SLC7A11: variants seen among roughly 807,000 people sequenced by gnomAD.
The protein encoded by SLC7A11 is solute carrier family 7 member 11.
In SLC7A11, 35 loss-of-function variants were observed where a neutral mutation model predicts 54.5. The ratio of observed to expected loss-of-function variants is 0.64; its 90% CI spans 0.49 to 0.85. The LOEUF is 0.85. SLC7A11 is among the 40% of genes least tolerant of loss of function. The pLI is 0.00. For synonymous variants in SLC7A11, 230 were observed against 225.2 expected, an observed-to-expected ratio of 1.02 and a Z score of -0.19; for missense variants, 583 against 618.1, an observed-to-expected ratio of 0.94 and a Z score of 0.60.
chr4:138,234,446 G>C (rs756295469), intron 2 of SLC7A11, among the ~76,000 whole-genome samples: 14 of 152,010 alleles, frequency 9.2e-5, no homozygotes, highest in Non-Finnish European at 2.1e-4. Context: ...TATTTAAAAG[G>C]CCAACTCAGC....
intron 6 of SLC7A11, among the ~76,000 whole-genome samples, chr4:138,199,081 C>G (rs985466917): frequency 2.0e-5 from 3 of 152,028 alleles, no homozygotes; most frequent in Non-Finnish European, 4.4e-5. Flanking sequence ...CCTTGGGAAT[C>G]AGACAATAAA....
At chr4:138,241,683 G>C in intron 1 of SLC7A11, 110 bp downstream of exon 1, 6 of 830,644 alleles carry the variant, frequency 7.2e-6, no homozygotes, top group Non-Finnish European at 7.8e-6. Flanking sequence ...TAAAAATTTG[G>C]TGTGGCCTTT....
chr4:138,176,143 C>T lies in SLC7A11; in HGVS notation c.1444+3074G>A, dbSNP rs559330549. ...TTGGCCAAAGGCTAAGAAAATACTT[C>T]CTATTGCAGCAATAAATATTATGAA... is the stretch of plus-strand genomic sequence containing the variant. On this transcript the variant is annotated intron_variant, in intron 11 of 11. Coordinates refer to ENST00000280612, the MANE Select transcript of SLC7A11 (RefSeq NM_014331.4). 5 of 152,170 alleles carry T rather than the reference C, an allele frequency of 3.3e-5. No individual in the cohort carries two copies. The South Asian group carries it at 1.0e-3, about 32-fold the overall frequency. 9.4% of individuals were successfully genotyped at this position (152,170 alleles called of 1,614,324 possible). A position where few individuals can be genotyped will look rare whatever the true frequency, so the allele number is the denominator to read the frequency against.
intron 6 of SLC7A11, among the ~76,000 whole-genome samples, chr4:138,196,455 G>A (rs1737133806): frequency 6.6e-6 from 1 of 152,012 alleles, no homozygotes; most frequent in Admixed American, 6.6e-5. Flanking sequence ...ATATACAACA[G>A]CCAGTTCACA....
intron 6 of SLC7A11, among the ~76,000 whole-genome samples, chr4:138,199,397 C>T (rs966255967): frequency 2.0e-5 from 3 of 152,096 alleles, no homozygotes; most frequent in African/African-American, 7.2e-5. Flanking sequence ...TTTACTTTGA[C>T]TTCCAATAAG....
At chr4:138,182,756 C>T (rs1736778989) in intron 8 of SLC7A11, among the ~76,000 whole-genome samples, 2 of 152,100 alleles carry the variant, frequency 1.3e-5, no homozygotes, top group Non-Finnish European at 2.9e-5. Context: ...CACAGGTACA[C>T]ACACCTATAT....
chr4:138,225,138 CTATATA>C (rs36216785), intron 3 of SLC7A11, among the ~76,000 whole-genome samples: 26,302 of 118,164 alleles, frequency 0.22, 2,844 homozygotes, highest in South Asian at 0.34. Context: ...AATAATTTCA[CTATATA>C]TATATATATA....
Position 138,224,815 on chromosome 4 carries a change from AAAGGAAGGAAGGAAGG to A in SLC7A11, c.521-1507_521-1492del, listed in dbSNP as rs138629758. Among the ~76,000 whole-genome samples, 63 of 135,948 alleles carry A rather than the reference AAAGGAAGGAAGGAAGG, an allele frequency of 4.6e-4. 1 individual carries two copies. The highest frequency in any genetic ancestry group is 1.2e-3 in the African/African-American group (45 of 36,714). The allele number at this position is 135,948 out of a possible 152,430, so 89.2% of individuals were successfully genotyped here. ...GAAGGAAAAGAAGGAAGGAAGGATG[AAAGGAAGGAAGGAAGG>A]AAGGAAGGAAGGAAGGAAGGAAGGA... On this transcript the variant is annotated intron_variant, in intron 3 of 11. Coordinates refer to ENST00000280612, the MANE Select transcript of SLC7A11 (RefSeq NM_014331.4).
At chr4:138,231,287 G>A (rs969704883) in intron 3 of SLC7A11, among the ~76,000 whole-genome samples, 1 of 151,948 alleles carries the variant, frequency 6.6e-6, no homozygotes, top group African/African-American at 2.4e-5. Flanking sequence ...CCACCACTAC[G>A]CAATATATCC....
intron 6 of SLC7A11, among the ~76,000 whole-genome samples, chr4:138,199,243 T>C (rs999925787): frequency 3.9e-5 from 6 of 152,190 alleles, no homozygotes; most frequent in African/African-American, 1.4e-4. Flanking sequence ...TGAGTACTTT[T>C]ATTTGATGTG....
At chr4:138,177,624 G>A (rs1025138800) in intron 11 of SLC7A11, 3 of 152,086 alleles carry the variant, frequency 2.0e-5, no homozygotes, top group South Asian at 2.1e-4. Context: ...CTGAGCTCTG[G>A]TGTTCTCATC....
At chr4:138,207,180 T>TA (rs1244803893) in intron 6 of SLC7A11, among the ~76,000 whole-genome samples, 1 of 151,978 alleles carries the variant, frequency 6.6e-6, no homozygotes, top group Non-Finnish European at 1.5e-5. Flanking sequence ...ATACATATCT[T>TA]AAAAACATAT....
intron 4 of SLC7A11, among the ~76,000 whole-genome samples, chr4:138,222,686 G>A (rs1488237305): frequency 6.6e-6 from 1 of 152,076 alleles, no homozygotes; most frequent in African/African-American, 2.4e-5. Context: ...CTATTTTATT[G>A]TGATATAATT....
Position 138,179,327 on chromosome 4 carries a change from G to C in SLC7A11, c.1334C>G (p.Ser445Trp), listed in dbSNP as rs770398892. ...GCCAATCCCTGTACTAAATGGGTCC[G>C]AATAGAGGGAAAGGGCAACCATGAA... ...CLFMVALSLYSDPFSTGIGFV... is the reference protein window; with the variant it reads ...CLFMVALSLYWDPFSTGIGFV... The change falls in exon 11 of 12, where the codon TCG becomes TGG. Residue 445 changes from serine to tryptophan, a missense_variant. Ser to Trp is a radical substitution (Grantham distance 177). Coordinates refer to ENST00000280612, the MANE Select transcript of SLC7A11 (RefSeq NM_014331.4). 6.2e-7 allele frequency: 1 copy of C among 1,612,656 alleles called. No homozygotes were observed. Among genetic ancestry groups the C allele is most frequent in the East Asian group, 2.2e-5 (1 of 44,806 alleles).
intron 3 of SLC7A11, among the ~76,000 whole-genome samples, chr4:138,230,985 T>A (rs959486174): frequency 4.6e-5 from 7 of 152,292 alleles, no homozygotes; most frequent in African/African-American, 1.7e-4. Context: ...ATAGTTACCA[T>A]TTTTTATTGT....
At chr4:138,175,339 C>T (rs1736543443) in intron 11 of SLC7A11, among the ~76,000 whole-genome samples, 1 of 152,136 alleles carries the variant, frequency 6.6e-6, no homozygotes, top group African/African-American at 2.4e-5. Context: ...TCCTCTATCT[C>T]TCTCCCTGAG....
chr4:138,225,409 C>A (rs896060022), intron 3 of SLC7A11, among the ~76,000 whole-genome samples: 1 of 151,662 alleles, frequency 6.6e-6, no homozygotes, highest in African/African-American at 2.4e-5. Context: ...AAAGGCCAAA[C>A]CCCTGAATAA....
At chr4:138,191,302 G>C (rs1737008424) in intron 6 of SLC7A11, among the ~76,000 whole-genome samples, 1 of 152,092 alleles carries the variant, frequency 6.6e-6, no homozygotes, top group Non-Finnish European at 1.5e-5. Context: ...AAGGCTATGG[G>C]TGTTTTCACT....
chr4:138,165,668 A>G lies in SLC7A11; in HGVS notation c.*6288T>C, dbSNP rs1736237534. ...TCAAAATAACCAAAATATATTTTAAAGCAAAATATATCCTGATACTACTAT... is the reference window on the plus strand; with the variant it reads ...TCAAAATAACCAAAATATATTTTAAGGCAAAATATATCCTGATACTACTAT... On this transcript the variant is annotated 3_prime_UTR_variant, in exon 12 of 12. Coordinates refer to ENST00000280612, the MANE Select transcript of SLC7A11 (RefSeq NM_014331.4). The G allele has an allele frequency of 6.6e-6, 1 of 152,198 alleles. No individual in the cohort carries two copies. The highest frequency in any genetic ancestry group is 1.5e-5 in the Non-Finnish European group (1 of 68,026). The allele number at this position is 152,198 out of a possible 1,614,324, so 9.4% of individuals were successfully genotyped here.
Sources: gnomAD v4.1 joint callset for allele counts (sites outside exome capture counted in the v4.1 genomes callset) on GRCh38, gnomAD v4.1.1 for gene constraint, MANE v1.5 for transcripts, NCBI Gene and HGNC (gene_info 2026-07-23, HGNC 2026-07-21) for gene names.